Variants in NRXN3 observed in about 807,000 individuals in gnomAD.
NRXN3 encodes neurexin III.
Under a neutral mutation model 137.6 loss-of-function variants are expected in NRXN3, and 32 were observed. The observed-to-expected ratio is 0.23, with a 90% confidence interval of 0.18 to 0.31. The LOEUF is 0.31. NRXN3 is among the 10% of genes least tolerant of loss of function. The pLI, the probability that NRXN3 is intolerant of heterozygous loss-of-function variation, is 1.00. For synonymous variants in NRXN3, 798 were observed against 784.5 expected, an observed-to-expected ratio of 1.02 and a Z score of -0.29; for missense variants, 1,574 against 2,062.5, an observed-to-expected ratio of 0.76 and a Z score of 4.59.
At chr14:78,555,634 A>G (rs546003103) in intron 4 of NRXN3, among the ~76,000 whole-genome samples, 1 of 152,350 alleles carries the variant, frequency 6.6e-6, no homozygotes, top group East Asian at 1.9e-4. Context: ...CTGTCTAAAC[A>G]TTAATTAATT....
intron 4 of NRXN3, among the ~76,000 whole-genome samples, chr14:78,550,607 G>A (rs1327614458): frequency 2.0e-5 from 3 of 152,064 alleles, no homozygotes; most frequent in African/African-American, 4.8e-5. Flanking sequence ...GTGTGAGCAG[G>A]GTGTTATCAG....
intron 4 of NRXN3, among the ~76,000 whole-genome samples, chr14:78,468,133 CTTA>C (rs767406966): frequency 6.6e-6 from 1 of 151,866 alleles, no homozygotes; most frequent in Non-Finnish European, 1.5e-5. Context: ...CAAGTTGGGT[CTTA>C]TTATTATTGT....
intron 8 of NRXN3, among the ~76,000 whole-genome samples, chr14:78,794,013 G>A (rs1161182431): frequency 6.6e-6 from 1 of 152,156 alleles, no homozygotes; most frequent in Non-Finnish European, 1.5e-5. Flanking sequence ...AGGAGAAAAT[G>A]TCAAAGAATA....
intron 16 of NRXN3, among the ~76,000 whole-genome samples, chr14:79,652,015 C>G (rs116491573): frequency 0.014 from 2,090 of 152,226 alleles, 45 homozygotes; most frequent in African/African-American, 0.046. Context: ...GACTGTTCTG[C>G]CACTGTTTAA....
chr14:79,392,327 TC>T (rs1457260154), intron 15 of NRXN3, among the ~76,000 whole-genome samples: 6 of 152,332 alleles, frequency 3.9e-5, no homozygotes, highest in Admixed American at 3.9e-4. Flanking sequence ...CACGAACTCA[TC>T]CTTTTTTATG....
chr14:78,394,152 C>T (rs1183754884), intron 4 of NRXN3, among the ~76,000 whole-genome samples: 1 of 151,930 alleles, frequency 6.6e-6, no homozygotes, highest in Non-Finnish European at 1.5e-5. Flanking sequence ...ACAGTGTGAG[C>T]AGACATTCTT....
intron 20 of NRXN3, among the ~76,000 whole-genome samples, chr14:79,856,206 T>A (rs2099402161): frequency 6.7e-6 from 1 of 149,292 alleles, no homozygotes; most frequent in African/African-American, 2.6e-5. Context: ...TTGAGACACT[T>A]GAGTTTTTCT....
At chr14:78,197,322 A>G (rs1190754763) in intron 1 of NRXN3, among the ~76,000 whole-genome samples, 7 of 151,850 alleles carry the variant, frequency 4.6e-5, no homozygotes, top group Non-Finnish European at 7.4e-5. Flanking sequence ...GCCAGCATTT[A>G]CTCCCCACGC....
At chr14:78,608,738 G>A (rs887625078) in intron 4 of NRXN3, among the ~76,000 whole-genome samples, 1 of 152,074 alleles carries the variant, frequency 6.6e-6, no homozygotes, top group Non-Finnish European at 1.5e-5. Context: ...GCCTAGCCTG[G>A]GTCGCTCCCC....
At chr14:78,947,619 A>G (rs2099368624) in intron 10 of NRXN3, among the ~76,000 whole-genome samples, 1 of 152,204 alleles carries the variant, frequency 6.6e-6, no homozygotes, top group Non-Finnish European at 1.5e-5. Flanking sequence ...TAGAGTTCCC[A>G]AAAGTCCTCC....
chr14:79,077,747 A>G (rs923861921), intron 15 of NRXN3, among the ~76,000 whole-genome samples: 2 of 152,204 alleles, frequency 1.3e-5, no homozygotes, highest in Middle Eastern at 3.2e-3. Flanking sequence ...TATAATATAT[A>G]GGCCATAAAT....
At chr14:78,465,919 T>G (rs2153723649) in intron 4 of NRXN3, among the ~76,000 whole-genome samples, 1 of 151,992 alleles carries the variant, frequency 6.6e-6, no homozygotes, top group South Asian at 2.1e-4. Flanking sequence ...TGACGCGATC[T>G]CGGCTCACTG....
chr14:79,683,907 C>T (rs1033361243), intron 17 of NRXN3, among the ~76,000 whole-genome samples: 1 of 152,210 alleles, frequency 6.6e-6, no homozygotes, highest in Non-Finnish European at 1.5e-5. Context: ...AGTCCACACA[C>T]TGTTCCTTCT....
chr14:78,865,248 T>A (rs1388742933), intron 10 of NRXN3, among the ~76,000 whole-genome samples: 1 of 152,202 alleles, frequency 6.6e-6, no homozygotes, highest in Non-Finnish European at 1.5e-5. Context: ...CTATTGGCCA[T>A]GGTATTGTTG....
intron 15 of NRXN3, among the ~76,000 whole-genome samples, chr14:79,154,075 C>T (rs929667232): frequency 6.6e-6 from 1 of 151,986 alleles, no homozygotes; most frequent in Non-Finnish European, 1.5e-5. Context: ...ACTTACTACT[C>T]TTTTATGACT....
intron 4 of NRXN3, among the ~76,000 whole-genome samples, chr14:78,482,445 G>C (rs1326854123): frequency 6.6e-6 from 1 of 152,118 alleles, no homozygotes; most frequent in Admixed American, 6.6e-5. Context: ...TCCTCAAGGG[G>C]AGACAATGAA....
chr14:78,551,115 G>A (rs911816040), intron 4 of NRXN3, among the ~76,000 whole-genome samples: 1 of 152,174 alleles, frequency 6.6e-6, no homozygotes, highest in African/African-American at 2.4e-5. Flanking sequence ...AAATAGAAGA[G>A]CATGCATATG....
rs78261576 is a variant in NRXN3, at chr14:78,985,840, A to G, written c.3143-2182A>G. 7.9e-3 allele frequency among the ~76,000 whole-genome samples: 1,196 copies of G among 152,298 alleles called. 18 individuals carry two copies. The highest frequency in any genetic ancestry group is 0.028 in the African/African-American group (1,152 of 41,566). On this transcript the variant is annotated intron_variant, in intron 14 of 20. Transcript: ENST00000335750. ...TACCATTGTTAATGAAACTTGTATA[A>G]CACAATGCTTGAGTTTAAGACCCAC...
At chr14:78,617,112 G>A (rs2152488575) in intron 4 of NRXN3, among the ~76,000 whole-genome samples, 1 of 152,184 alleles carries the variant, frequency 6.6e-6, no homozygotes, top group Middle Eastern at 3.4e-3. Flanking sequence ...AAAAACAAAA[G>A]CCCTGATATG....
Sources: gnomAD v4.1 joint callset for allele counts (sites outside exome capture counted in the v4.1 genomes callset) on GRCh38, gnomAD v4.1.1 for gene constraint, MANE v1.5 for transcripts, NCBI Gene and HGNC (gene_info 2026-07-23, HGNC 2026-07-21) for gene names.